FSIP1: variants seen among roughly 807,000 people sequenced by gnomAD.
The protein encoded by FSIP1 is fibrous sheath interacting protein 1.
In FSIP1, 65 loss-of-function variants were observed where a neutral mutation model predicts 60.9. That is an observed-to-expected ratio of 1.07 (90% CI 0.87 to 1.31). The LOEUF (loss-of-function observed/expected upper bound fraction) is 1.31, where lower values mean the gene tolerates loss of function less well. Ranked by LOEUF, FSIP1 falls within the 40% of genes most tolerant of loss-of-function variation. The probability of loss-of-function intolerance (pLI) is 0.00; values close to 1 mark genes in which losing one functional copy is unlikely to be tolerated. For synonymous variants in FSIP1, 209 were observed against 221.2 expected, an observed-to-expected ratio of 0.94 and a Z score of 0.49; for missense variants, 675 against 665.5, an observed-to-expected ratio of 1.01 and a Z score of -0.16.
intron 3 of FSIP1, among the ~76,000 whole-genome samples, chr15:39,769,736 C>A (rs545387150): frequency 1.3e-5 from 2 of 152,236 alleles, no homozygotes; most frequent in African/African-American, 2.4e-5. Context: ...CTTTTTCCTG[C>A]CAGTGCCTGG....
In FSIP1 at chr15:39,698,830, C is replaced by A. The variant is rs1894935392; in HGVS notation, c.1188+14614G>T. Among the ~76,000 whole-genome samples the A allele has an allele frequency of 1.3e-5, 2 of 152,224 alleles. 1 individual carries two copies. Among genetic ancestry groups the A allele is most frequent in the Admixed American group, 1.3e-4 (2 of 15,280 alleles). On this transcript the variant is annotated intron_variant, in intron 10 of 11. Transcript: ENST00000350221. ...CAGGAGGAATGTTAACCATTTTATA[C>A]CTGCCCAAAAGTGGCCTACTGTATC...
chr15:39,725,132 A>G (rs11070230), intron 9 of FSIP1, among the ~76,000 whole-genome samples: 149,213 of 152,296 alleles, frequency 0.98, 73,107 homozygotes, highest in East Asian at 1. Context: ...TCAGGAGGCT[A>G]AGGCAGGAGA....
intron 10 of FSIP1, among the ~76,000 whole-genome samples, chr15:39,666,669 T>G (rs921358719): frequency 2.6e-5 from 4 of 152,218 alleles, no homozygotes; most frequent in African/African-American, 7.2e-5. Context: ...CTGCTCCACA[T>G]CTAAGTGTTC....
At chr15:39,707,050 T>C (rs1009242741) in intron 10 of FSIP1, among the ~76,000 whole-genome samples, 3 of 152,176 alleles carry the variant, frequency 2.0e-5, no homozygotes, top group South Asian at 2.1e-4. Context: ...TACGGTCTCA[T>C]AGGTAACTGC....
rs1395835315 is a variant in FSIP1 at position 39,631,000 on chromosome 15, G to T, written c.1189-12755C>A. Among the ~76,000 whole-genome samples, 3 of 152,284 alleles carry T rather than the reference G, an allele frequency of 2.0e-5. No individual in the cohort carries two copies. In the East Asian group the frequency reaches 5.8e-4, roughly 29 times the overall value. On this transcript the variant is annotated intron_variant, in intron 10 of 11. Transcript: ENST00000350221. ...GTGTCTCCCAAACCTGGGGCATCAGGCTGTGCCATCCCAGTACCCTCTGCA... is the reference window on the plus strand; with the variant it reads ...GTGTCTCCCAAACCTGGGGCATCAGTCTGTGCCATCCCAGTACCCTCTGCA...
At chr15:39,755,323 G>A (rs1897268680) in intron 5 of FSIP1, among the ~76,000 whole-genome samples, 1 of 152,080 alleles carries the variant, frequency 6.6e-6, no homozygotes, top group South Asian at 2.1e-4. Context: ...TAAAGTTAGA[G>A]GCAAGAGGCA....
chr15:39,764,371 T>A (rs1897609654), intron 4 of FSIP1, among the ~76,000 whole-genome samples: 1 of 152,204 alleles, frequency 6.6e-6, no homozygotes, highest in Non-Finnish European at 1.5e-5. Context: ...TTTCTCCAGT[T>A]TAAAGCATTG....
At chr15:39,602,340 T>G in intron 11 of FSIP1, 1 of 456,346 alleles carries the variant, frequency 2.2e-6, no homozygotes, top group Non-Finnish European at 4.4e-6. Flanking sequence ...TCTAGCGTTC[T>G]CTCCTAGGGC....
intron 10 of FSIP1, among the ~76,000 whole-genome samples, chr15:39,698,041 C>T (rs2140517995): frequency 6.6e-6 from 1 of 151,866 alleles, no homozygotes; most frequent in South Asian, 2.1e-4. Flanking sequence ...ACATAAATCA[C>T]CTTTTTCTAC....
intron 10 of FSIP1, among the ~76,000 whole-genome samples, chr15:39,690,869 G>A (rs896776583): frequency 2.6e-5 from 4 of 152,178 alleles, no homozygotes; most frequent in Non-Finnish European, 5.9e-5. Flanking sequence ...GCCTAGAAAG[G>A]CCCTAATGCT....
chr15:39,675,990 C>G (rs1232564280), intron 10 of FSIP1, among the ~76,000 whole-genome samples: 1 of 134,716 alleles, frequency 7.4e-6, no homozygotes, highest in African/African-American at 2.8e-5. Flanking sequence ...ACGGTGAAAC[C>G]CTGTCTCTAC....
At chr15:39,740,230 T>C (rs1281651975) in intron 6 of FSIP1, among the ~76,000 whole-genome samples, 1 of 152,220 alleles carries the variant, frequency 6.6e-6, no homozygotes, top group Non-Finnish European at 1.5e-5. Flanking sequence ...TTCTGAACAG[T>C]GCATTTTGTT....
intron 9 of FSIP1, among the ~76,000 whole-genome samples, chr15:39,725,756 A>T (rs924628369): frequency 1.3e-5 from 2 of 151,900 alleles, no homozygotes; most frequent in African/African-American, 4.8e-5. Context: ...GGAGAAATTT[A>T]ATTTTCTGAT....
At chr15:39,609,483 G>A (rs1374450919) in intron 11 of FSIP1, among the ~76,000 whole-genome samples, 1 of 152,116 alleles carries the variant, frequency 6.6e-6, no homozygotes, top group Non-Finnish European at 1.5e-5. Context: ...GGCAAGTGCA[G>A]GTCAATGAAT....
intron 10 of FSIP1, among the ~76,000 whole-genome samples, chr15:39,675,488 T>G (rs545604969): frequency 3.3e-5 from 5 of 152,252 alleles, no homozygotes; most frequent in African/African-American, 1.2e-4. Flanking sequence ...AGGTACATTC[T>G]CACTATGGAA....
intron 9 of FSIP1, among the ~76,000 whole-genome samples, chr15:39,723,551 A>G (rs7183457): frequency 0.11 from 16,955 of 150,210 alleles, 1,177 homozygotes; most frequent in African/African-American, 0.19. Context: ...TTTTTATTCC[A>G]AAGTATTTTA....
chr15:39,671,943 A>G (rs1250472727), intron 10 of FSIP1, among the ~76,000 whole-genome samples: 1 of 152,220 alleles, frequency 6.6e-6, no homozygotes, highest in Non-Finnish European at 1.5e-5. Flanking sequence ...CTTCCCAAAG[A>G]GCACAGAGAA....
intron 10 of FSIP1, among the ~76,000 whole-genome samples, chr15:39,698,191 G>GTGTA (rs141410015): frequency 6.8e-6 from 1 of 146,918 alleles, no homozygotes; most frequent in Non-Finnish European, 1.5e-5. Context: ...AATATTAATT[G>GTGTA]TATATATATA....
intron 8 of FSIP1, 54 bp downstream of exon 8, chr15:39,738,037 A>AT (rs1896672663): frequency 3.0e-6 from 3 of 1,016,336 alleles, no homozygotes; most frequent in African/African-American, 1.6e-5. Flanking sequence ...CAATAATATT[A>AT]TTTTTTAAAA....
Sources: gnomAD v4.1 joint callset for allele counts (sites outside exome capture counted in the v4.1 genomes callset) on GRCh38, gnomAD v4.1.1 for gene constraint, MANE v1.5 for transcripts, NCBI Gene and HGNC (gene_info 2026-07-23, HGNC 2026-07-21) for gene names.